Variants in MYO15B observed in about 807,000 individuals in gnomAD.
The protein encoded by MYO15B is myosin XVB.
Under a neutral mutation model 119.3 loss-of-function variants are expected in MYO15B, and 207 were observed. The observed-to-expected ratio is 1.73, with a 90% CI of 1.55 to 1.95. The LOEUF (loss-of-function observed/expected upper bound fraction) is 1.95. Among genes scored for constraint, MYO15B ranks in the 30% most tolerant of loss-of-function variants. MYO15B has a pLI of 0.00. For synonymous variants in MYO15B, 966 were observed against 498.9 expected (o/e 1.94, Z -12.48); for missense variants, 2,264 against 1,203.1 (o/e 1.88, Z -13.04).
intron 32 of MYO15B, 29 bp downstream of exon 32, chr17:75,614,878 C>T: frequency 1.4e-6 from 1 of 702,890 alleles, no homozygotes; most frequent in Non-Finnish European, 2.6e-6. Context: ...CCAAATGCCC[C>T]TGCCCCAACC....
exon 38 of MYO15B, chr17:75,616,380 C>CAGGAGGAGGAGG (rs368250560): frequency 3.9e-5 from 24 of 610,018 alleles, no homozygotes; most frequent in Middle Eastern, 2.9e-4. Context: ...GGGGGAAGCG[C>CAGGAGGAGGAGG]AGGAGGAGGA....
At chr17:75,594,807 T>G (rs76361517) in intron 11 of MYO15B, 33 bp from the exon 12 acceptor site, 21,386 of 702,780 alleles carry the variant, frequency 0.03, 472 homozygotes, top group Non-Finnish European at 0.039. Flanking sequence ...GAGGCACGGC[T>G]CTATGTGGCT....
chr17:75,606,120 G>A, intron 21 of MYO15B, 99 bp downstream of exon 21: 1 of 596,828 alleles, frequency 1.7e-6, no homozygotes, highest in South Asian at 1.9e-5. Flanking sequence ...AGGGCCTCAA[G>A]GCAAGTCATC....
intron 57 of MYO15B, 48 bp downstream of exon 57, chr17:75,624,495 G>A (rs1417180667): frequency 2.8e-6 from 2 of 702,908 alleles, no homozygotes; most frequent in Non-Finnish European, 5.2e-6. Context: ...ATCAGTTCTG[G>A]GTCCCCCAGC....
At chr17:75,611,367 G>A (rs745539555) in intron 23 of MYO15B, among the ~76,000 whole-genome samples, 10 of 151,710 alleles carry the variant, frequency 6.6e-5, no homozygotes, top group Non-Finnish European at 1.2e-4. Flanking sequence ...GAGGTTTGAG[G>A]TGGGAGGATC....
At chr17:75,602,873 G>T (rs1568148433) in exon 17 of MYO15B, 2 of 673,766 alleles carry the variant, frequency 3.0e-6, no homozygotes, top group Non-Finnish European at 5.4e-6. Flanking sequence ...CAGTCCAGGG[G>T]AGGGCGAGGC....
At chr17:75,611,269 C>G (rs1468970272) in intron 23 of MYO15B, among the ~76,000 whole-genome samples, 1 of 151,878 alleles carries the variant, frequency 6.6e-6, no homozygotes, top group Non-Finnish European at 1.5e-5. Context: ...TGAGACCAGC[C>G]TGGGCAACAT....
At chr17:75,618,952 G>A (rs190176631) in intron 43 of MYO15B, 191 bp from the exon 44 acceptor site, 126 of 602,514 alleles carry the variant, frequency 2.1e-4, no homozygotes, top group African/African-American at 1.6e-3. Flanking sequence ...CAGGTGAGAC[G>A]TGTGAATGGA....
At chr17:75,611,958 C>T (rs1294233010) in exon 25 of MYO15B, 1 of 702,998 alleles carries the variant, frequency 1.4e-6, no homozygotes, top group Non-Finnish European at 2.6e-6. Flanking sequence ...CCCAGCCTGA[C>T]TCTCCCAGCA....
exon 9 of MYO15B, chr17:75,592,678 GGGCCAGGCCTGCAGGCTGCAA>G: frequency 1.4e-6 from 1 of 700,294 alleles, no homozygotes; most frequent in Non-Finnish European, 2.6e-6. Context: ...GTGCTCTGCA[GGGCCAGGCCTGCAGGCTGCAA>G]GGCAAGGAGG....
intron 21 of MYO15B, among the ~76,000 whole-genome samples, chr17:75,606,378 G>A (rs1214540861): frequency 1.8e-4 from 27 of 151,862 alleles, no homozygotes; most frequent in Non-Finnish European, 8.8e-5. Context: ...GCAGTGGCGC[G>A]ATCTCAGCTC....
At chr17:75,617,298 C>A in exon 41 of MYO15B, 2 of 637,168 alleles carry the variant, frequency 3.1e-6, no homozygotes, top group South Asian at 1.7e-5. Flanking sequence ...TTCAGCAGAG[C>A]GTCGTTGTAA....
rs749391120 is a variant in MYO15B at position 75,617,908 on chromosome 17, T to C, written c.6913T>C (p.Phe2305Leu). The C allele has an allele frequency of 1.0e-5, 7 of 702,742 alleles. No homozygotes were observed. In the African/African-American group the frequency reaches 1.2e-4, roughly 12 times the overall value. 43.5% of individuals were successfully genotyped at this position (702,742 alleles called of 1,614,324 possible). A position where few individuals can be genotyped will look rare whatever the true frequency, so the allele number is the denominator to read the frequency against. Residue 2305 changes from phenylalanine to leucine, a missense_variant, in exon 42 of 64, where the codon TTC becomes CTC. Phe to Leu is a conservative substitution (Grantham distance 22). Transcript: ENST00000645453. Reference sequence around the variant, plus strand: ...CTACACCGGCACGCCCTGGAAGTTGTTCCTACGCAAGGAGGTGGGCATGAG... The same window carrying C: ...CTACACCGGCACGCCCTGGAAGTTGCTCCTACGCAAGGAGGTGGGCATGAG...
exon 1 of MYO15B, chr17:75,587,948 C>A (rs1226273290): frequency 1.0e-5 from 4 of 396,506 alleles, no homozygotes; most frequent in Non-Finnish European, 1.8e-5. Flanking sequence ...GTAGCCCCTG[C>A]GAGAGCAGAG....
At chr17:75,626,444 A>G in exon 64 of MYO15B, 1 of 703,248 alleles carries the variant, frequency 1.4e-6, no homozygotes, top group Non-Finnish European at 2.6e-6. Context: ...TTCCTGATAG[A>G]CAGCAGTGCC....
At chr17:75,590,104 G>A in exon 1 of MYO15B, 1 of 399,018 alleles carries the variant, frequency 2.5e-6, no homozygotes. Flanking sequence ...GTGGGAACCC[G>A]AGGATGAGGA....
exon 10 of MYO15B, chr17:75,594,546 A>G: frequency 1.6e-6 from 1 of 642,246 alleles, no homozygotes; most frequent in Non-Finnish European, 2.8e-6. Context: ...TGCTGCGGGT[A>G]CCACCAGAGT....
At chr17:75,621,435 G>A in intron 51 of MYO15B, 27 bp downstream of exon 51, 1 of 699,336 alleles carries the variant, frequency 1.4e-6, no homozygotes, top group Non-Finnish European at 2.6e-6. Context: ...GAGGGGTCTG[G>A]CCCGTAGATC....
At chr17:75,619,615 G>C (rs1365443409) in intron 45 of MYO15B, 66 bp from the exon 46 acceptor site, 35 of 696,398 alleles carry the variant, frequency 5.0e-5, no homozygotes, top group Admixed American at 6.0e-5. Flanking sequence ...GCCCTGGGCA[G>C]CTCCAGGGCA....
Sources: allele counts gnomAD v4.1 joint callset (sites outside exome capture counted in the v4.1 genomes callset), GRCh38; gene constraint gnomAD v4.1.1; transcripts MANE v1.5; gene names NCBI Gene and HGNC (gene_info 2026-07-23, HGNC 2026-07-21).